The following OTUD3 variants were observed in gnomAD, a reference collection of about 807,000 sequenced individuals.
OTUD3 encodes the protein OTU domain-containing protein 3.
OTUD3 carries 24 observed loss-of-function variants against 46.2 expected under a neutral mutation model. The ratio of observed to expected loss-of-function variants is 0.52; its 90% confidence interval spans 0.38 to 0.73. OTUD3 has a LOEUF of 0.73. Among genes scored for constraint, OTUD3 ranks in the 30% least tolerant of loss-of-function variants. The pLI is 0.00. For missense variants in OTUD3, 455 were observed against 523.3 expected, an observed-to-expected ratio of 0.87 and a Z score of 1.27; for synonymous variants, 189 against 195.4, an observed-to-expected ratio of 0.97 and a Z score of 0.27.
intron 4 of OTUD3, among the ~76,000 whole-genome samples, chr1:19,902,454 C>T (rs888236529): frequency 3.3e-5 from 5 of 152,170 alleles, no homozygotes; most frequent in African/African-American, 1.2e-4. Context: ...ATCCACCCAC[C>T]TCGGCCTCCC....
rs2045696955 is a variant in OTUD3 at position 19,908,721 on chromosome 1, C to T, written c.*975C>T. On this transcript the variant is annotated 3_prime_UTR_variant, in exon 8 of 8. Transcript: ENST00000375120. The stretch of plus-strand genomic sequence containing the variant: ...TCCCTTCTGTTGTAGACTTAGATGC[C>T]TTCAGAGAGATACGTGGTAACTTGA... 6.6e-6 allele frequency: 1 copy of T among 152,336 alleles called. No individual in the cohort carries two copies. The highest frequency in any genetic ancestry group is 6.5e-5 in the Admixed American group (1 of 15,276). 9.4% of individuals were successfully genotyped at this position (152,336 alleles called of 1,614,324 possible).
intron 1 of OTUD3, among the ~76,000 whole-genome samples, chr1:19,885,745 C>T (rs889038264): frequency 2.6e-5 from 4 of 152,292 alleles, no homozygotes; most frequent in South Asian, 2.1e-4. Flanking sequence ...TGAGCCACCG[C>T]GCCTGGACAA....
intron 6 of OTUD3, 120 bp from the exon 7 acceptor site, chr1:19,906,312 G>A (rs900502032): frequency 1.1e-5 from 9 of 810,344 alleles, no homozygotes; most frequent in Non-Finnish European, 1.6e-5. Flanking sequence ...TTTGTCTCAA[G>A]GAAACTTACT....
chr1:19,890,266 G>T, intron 1 of OTUD3, 119 bp from the exon 2 acceptor site: 1 of 952,766 alleles, frequency 1.0e-6, no homozygotes, highest in East Asian at 2.4e-5. Context: ...TATTAGAGTT[G>T]AGTCTTTACC....
intron 7 of OTUD3, 79 bp downstream of exon 7, chr1:19,906,695 T>A (rs1308923842): frequency 8.1e-7 from 1 of 1,235,790 alleles, no homozygotes; most frequent in Admixed American, 2.7e-5. Context: ...AGATTAATTT[T>A]ATTTGTATTT....
chr1:19,902,249 G>A (rs915854017), intron 4 of OTUD3, among the ~76,000 whole-genome samples: 1 of 152,124 alleles, frequency 6.6e-6, no homozygotes, highest in African/African-American at 2.4e-5. Context: ...CTGTCGCCCA[G>A]GCTGGAGTGC....
intron 1 of OTUD3, among the ~76,000 whole-genome samples, chr1:19,883,901 A>G (rs534046529): frequency 5.9e-5 from 9 of 152,348 alleles, no homozygotes; most frequent in African/African-American, 2.2e-4. Context: ...GTTCCTGTTT[A>G]TGCTCATTGC....
At position 19,911,167 on chromosome 1, in the gene OTUD3, G is replaced by A. The variant is rs745814442; in HGVS notation, c.*3421G>A. 6 of 152,332 alleles carry A rather than the reference G, an allele frequency of 3.9e-5. No individual in the cohort carries two copies. Among genetic ancestry groups the A allele is most frequent in the Non-Finnish European group, 7.4e-5 (5 of 68,026 alleles). 9.4% of individuals were successfully genotyped at this position (152,332 alleles called of 1,614,324 possible). ...GCGTCAGTGGCCCTCTTCGACTCCC[G>A]TTTTGGGTAGATGCGTAGCTCTTCA... is the stretch of plus-strand genomic sequence containing the variant. On this transcript the variant is annotated 3_prime_UTR_variant, in exon 8 of 8. Coordinates refer to ENST00000375120, the MANE Select transcript of OTUD3 (RefSeq NM_015207.2).
At chr1:19,887,082 CTTTT>C (rs35763768) in intron 1 of OTUD3, among the ~76,000 whole-genome samples, 3 of 133,480 alleles carry the variant, frequency 2.2e-5, no homozygotes, top group African/African-American at 2.8e-5. Flanking sequence ...TTTTCTTTTT[CTTTT>C]TTTTTTTTTT....
intron 1 of OTUD3, among the ~76,000 whole-genome samples, chr1:19,884,053 C>T (rs1557671907): frequency 6.6e-6 from 1 of 152,194 alleles, no homozygotes; most frequent in African/African-American, 2.4e-5. Flanking sequence ...GGAAGGCAGT[C>T]AGTACGTTTT....
intron 4 of OTUD3, 27 bp from the exon 5 acceptor site, chr1:19,904,240 T>A (rs2045628221): frequency 1.3e-6 from 2 of 1,557,552 alleles, no homozygotes; most frequent in Non-Finnish European, 1.7e-6. Flanking sequence ...TCAACATAGT[T>A]CCCTGATTAT....
chr1:19,888,297 T>G (rs990340302), intron 1 of OTUD3, among the ~76,000 whole-genome samples: 1 of 152,170 alleles, frequency 6.6e-6, no homozygotes, highest in Non-Finnish European at 1.5e-5. Flanking sequence ...GAGTGTGAAC[T>G]CAGGAAGTGG....
At chr1:19,894,227 C>T in intron 2 of OTUD3, 141 bp from the exon 3 acceptor site, 1 of 540,888 alleles carries the variant, frequency 1.8e-6, no homozygotes, top group Non-Finnish European at 3.3e-6. Context: ...AGCTAAATTC[C>T]TAGACTCTGA....
At chr1:19,903,952 C>T (rs2045624061) in intron 4 of OTUD3, among the ~76,000 whole-genome samples, 1 of 152,206 alleles carries the variant, frequency 6.6e-6, no homozygotes, top group African/African-American at 2.4e-5. Context: ...CTCTGAAAAT[C>T]AGCTGAGGTG....
intron 2 of OTUD3, among the ~76,000 whole-genome samples, chr1:19,893,772 C>T (rs531488652): frequency 6.6e-6 from 1 of 152,342 alleles, no homozygotes; most frequent in East Asian, 1.9e-4. Context: ...TGCACATGCC[C>T]TTCCTGAAGT....
chr1:19,887,082 C>CTTTT (rs35763768), intron 1 of OTUD3, among the ~76,000 whole-genome samples: 4 of 133,484 alleles, frequency 3.0e-5, no homozygotes, highest in Non-Finnish European at 6.4e-5. Flanking sequence ...TTTTCTTTTT[C>CTTTT]TTTTTTTTTT....
intron 1 of OTUD3, among the ~76,000 whole-genome samples, chr1:19,888,887 C>T (rs1331808992): frequency 6.6e-6 from 1 of 152,048 alleles, no homozygotes; most frequent in Non-Finnish European, 1.5e-5. Context: ...GTGGCATATA[C>T]AGTTCTACAC....
intron 6 of OTUD3, among the ~76,000 whole-genome samples, chr1:19,905,728 G>A (rs570708758): frequency 2.0e-5 from 3 of 152,054 alleles, no homozygotes. Context: ...GCAACAGAGC[G>A]AGACTCCCTC....
At chr1:19,892,330 A>G (rs999428700) in intron 2 of OTUD3, among the ~76,000 whole-genome samples, 15 of 152,172 alleles carry the variant, frequency 9.9e-5, no homozygotes, top group African/African-American at 3.6e-4. Flanking sequence ...CTTGAGTCAT[A>G]GTTACCTGTT....
Sources: allele counts gnomAD v4.1 joint callset (sites outside exome capture counted in the v4.1 genomes callset), GRCh38; gene constraint gnomAD v4.1.1; transcripts MANE v1.5; gene names NCBI Gene and HGNC (gene_info 2026-07-23, HGNC 2026-07-21).